The following KCNT2 variants were observed in gnomAD, a reference collection of about 807,000 sequenced individuals.
The protein encoded by KCNT2 is potassium channel subfamily T member 2.
KCNT2 carries 67 observed loss-of-function variants against 153.8 expected under a neutral mutation model. The ratio of observed to expected loss-of-function variants is 0.44; its 90% CI spans 0.36 to 0.53. The LOEUF is 0.53. Ranked by LOEUF, KCNT2 falls within the 20% of genes least tolerant of loss-of-function variation. KCNT2 has a pLI of 0.00. For synonymous variants in KCNT2, 500 were observed against 458.8 expected (o/e 1.09, Z -1.15); for missense variants, 975 against 1,354.8 (o/e 0.72, Z 4.40).
intron 1 of KCNT2, among the ~76,000 whole-genome samples, chr1:196,565,117 A>G (rs1303259492): frequency 2.6e-5 from 4 of 151,416 alleles, no homozygotes; most frequent in Non-Finnish European, 5.9e-5. Flanking sequence ...ACAAATCAAT[A>G]GCAAAAAAAA....
chr1:196,526,015 CTGTGTGTGTGTG>C (rs369541629), intron 1 of KCNT2, among the ~76,000 whole-genome samples: 72 of 140,142 alleles, frequency 5.1e-4, no homozygotes, highest in South Asian at 1.2e-3. Context: ...AGAACTGACT[CTGTGTGTGTGTG>C]TGTGTGTGTG....
chr1:196,317,725 C>T (rs1266922547), intron 20 of KCNT2, among the ~76,000 whole-genome samples: 2 of 151,728 alleles, frequency 1.3e-5, no homozygotes, highest in South Asian at 2.1e-4. Context: ...CATTCAATGA[C>T]GTTGAAGTGA....
intron 26 of KCNT2, among the ~76,000 whole-genome samples, chr1:196,253,582 A>C (rs940589010): frequency 6.6e-6 from 1 of 151,502 alleles, no homozygotes; most frequent in Admixed American, 6.6e-5. Context: ...TTGATTTATA[A>C]AGGAGTTAAT....
chr1:196,503,659 T>G (rs1414135692), intron 1 of KCNT2, among the ~76,000 whole-genome samples: 1 of 152,144 alleles, frequency 6.6e-6, no homozygotes. Flanking sequence ...TATATGTGTT[T>G]GTGGAGAGGG....
In KCNT2 at chr1:196,423,059, C is replaced by T. The variant is rs1250063920; in HGVS notation, c.1176G>A (p.Arg392=). Reference sequence around the variant, plus strand: ...GATTTTAGAAACTTACAGATGATGTCCTATCCACTTCACAACGGCTACTGA... The same window carrying T: ...GATTTTAGAAACTTACAGATGATGTTCTATCCACTTCACAACGGCTACTGA... ...FILSSRCEVD[R]TSSDHQTILR... Residue 392 remains arginine (R), a synonymous_variant, in exon 12 of 28, where the codon AGG becomes AGA. Transcript: ENST00000294725. 4 of 1,595,242 alleles carry T rather than the reference C, an allele frequency of 2.5e-6. No individual in the cohort carries two copies. The highest frequency in any genetic ancestry group is 2.6e-6 in the Non-Finnish European group (3 of 1,167,440).
intron 1 of KCNT2, among the ~76,000 whole-genome samples, chr1:196,498,854 A>G (rs1026605267): frequency 2.0e-5 from 3 of 152,084 alleles, no homozygotes; most frequent in African/African-American, 4.8e-5. Flanking sequence ...GTTTACTCCT[A>G]TTTTTTCTAA....
chr1:196,415,007 T>G (rs1485182253), intron 12 of KCNT2, among the ~76,000 whole-genome samples: 1 of 151,964 alleles, frequency 6.6e-6, no homozygotes, highest in East Asian at 1.9e-4. Flanking sequence ...AAAAGTTTAC[T>G]GCATGTGAAA....
Position 196,258,389 on chromosome 1 carries a change from C to A in KCNT2, c.3016G>T (p.Asp1006Tyr), listed in dbSNP as rs2147780025. The A allele has an allele frequency of 6.2e-7, 1 of 1,614,014 alleles. No homozygotes were observed. Among genetic ancestry groups the A allele is most frequent in the East Asian group, 2.2e-5 (1 of 44,858 alleles). ...HRNSTSSDQS[D>Y]HPLLRRKSMQ... ...CTTTTTCTCCGCAGCAAGGGATGGTCCGACTGATCACTGGATGTTGAGTTG... is the reference window on the plus strand; with the variant it reads ...CTTTTTCTCCGCAGCAAGGGATGGTACGACTGATCACTGGATGTTGAGTTG... The change falls in exon 26 of 28, where the codon GAC (aspartate) becomes TAC (tyrosine). Residue 1006 changes from aspartate (D) to tyrosine (Y), a missense_variant. Transcript: ENST00000294725.
At chr1:196,357,693 G>A (rs1667285005) in intron 14 of KCNT2, among the ~76,000 whole-genome samples, 1 of 151,878 alleles carries the variant, frequency 6.6e-6, no homozygotes. Context: ...AGTAGAGGTA[G>A]TATTGTTCTG....
chr1:196,358,311 C>T (rs1425288342), intron 14 of KCNT2, among the ~76,000 whole-genome samples: 3 of 151,636 alleles, frequency 2.0e-5, no homozygotes, highest in African/African-American at 7.3e-5. Flanking sequence ...CACCACAACT[C>T]CTGTTCTGTT....
chr1:196,232,435 G>C (rs986523791), intron 27 of KCNT2, among the ~76,000 whole-genome samples: 3 of 151,580 alleles, frequency 2.0e-5, no homozygotes, highest in African/African-American at 7.3e-5. Flanking sequence ...CAAAACCTAT[G>C]AGTCCAATAA....
At chr1:196,228,878 A>AAT (rs1653703166) in intron 27 of KCNT2, among the ~76,000 whole-genome samples, 7 of 152,118 alleles carry the variant, frequency 4.6e-5, no homozygotes, top group Admixed American at 4.6e-4. Context: ...CAACAGTTTA[A>AAT]CAAATGTTAT....
At chr1:196,372,188 G>A (rs141276884) in intron 14 of KCNT2, among the ~76,000 whole-genome samples, 392 of 151,974 alleles carry the variant, frequency 2.6e-3, no homozygotes, top group African/African-American at 9.1e-3. Context: ...ATCCCAATTA[G>A]GCAGTCAGAA....
intron 1 of KCNT2, among the ~76,000 whole-genome samples, chr1:196,533,381 A>G (rs1219837941): frequency 6.6e-6 from 1 of 152,114 alleles, no homozygotes; most frequent in Non-Finnish European, 1.5e-5. Context: ...GGAGAGGTCT[A>G]TATGTCTCAT....
chr1:196,563,909 A>G (rs1659756488), intron 1 of KCNT2, among the ~76,000 whole-genome samples: 1 of 151,994 alleles, frequency 6.6e-6, no homozygotes, highest in Admixed American at 6.6e-5. Flanking sequence ...ATCATGCTCA[A>G]TGAGGCAAAG....
intron 1 of KCNT2, among the ~76,000 whole-genome samples, chr1:196,521,791 C>T (rs1297130557): frequency 2.0e-5 from 3 of 151,926 alleles, no homozygotes; most frequent in Admixed American, 6.6e-5. Context: ...CTAGGGCCTA[C>T]TTGAAGGTGA....
chr1:196,550,866 T>C (rs1657802418), intron 1 of KCNT2, among the ~76,000 whole-genome samples: 1 of 151,748 alleles, frequency 6.6e-6, no homozygotes, highest in Non-Finnish European at 1.5e-5. Flanking sequence ...TTCAGATGGA[T>C]CCCATGGAAA....
chr1:196,542,515 A>G (rs1457924527), intron 1 of KCNT2, among the ~76,000 whole-genome samples: 1 of 152,128 alleles, frequency 6.6e-6, no homozygotes, highest in Non-Finnish European at 1.5e-5. Flanking sequence ...AGATCACAGG[A>G]CAACTTTCTA....
chr1:196,286,742 G>C (rs767921533), intron 22 of KCNT2, among the ~76,000 whole-genome samples: 2 of 151,678 alleles, frequency 1.3e-5, no homozygotes, highest in Non-Finnish European at 2.9e-5. Flanking sequence ...AAATTCTGTT[G>C]CAATTTTTTT....
Sources: allele counts gnomAD v4.1 joint callset (sites outside exome capture counted in the v4.1 genomes callset), GRCh38; gene constraint gnomAD v4.1.1; transcripts MANE v1.5; gene names NCBI Gene and HGNC (gene_info 2026-07-23, HGNC 2026-07-21).